The following RIN3 variants were observed in gnomAD, a reference collection of about 807,000 sequenced individuals.
RIN3 encodes the protein RAB5 interacting protein 3.
RIN3 carries 54 observed loss-of-function variants against 76.3 expected under a neutral mutation model. That is an observed-to-expected ratio of 0.71 (90% CI 0.57 to 0.89). The LOEUF (loss-of-function observed/expected upper bound fraction) is 0.89. RIN3 is among the 40% of genes least tolerant of loss of function. The probability of loss-of-function intolerance (pLI) is 0.00; values close to 1 mark genes in which losing one functional copy is unlikely to be tolerated. For missense variants in RIN3, 1,256 were observed against 1,322.1 expected (o/e 0.95, Z 0.78); for synonymous variants, 576 against 564.0 (o/e 1.02, Z -0.30).
chr14:92,642,535 C>G (rs936075811), intron 5 of RIN3, among the ~76,000 whole-genome samples: 3 of 152,156 alleles, frequency 2.0e-5, no homozygotes, highest in African/African-American at 7.2e-5. Context: ...TTTAGTAAAA[C>G]TCAGCCATAC....
intron 7 of RIN3, among the ~76,000 whole-genome samples, chr14:92,660,521 C>T (rs948860827): frequency 1.2e-4 from 19 of 152,154 alleles, no homozygotes; most frequent in Admixed American, 2.6e-4. Context: ...GACTGAGCCA[C>T]GAGTTTCTCA....
At chr14:92,667,789 A>G (rs1223643403) in intron 7 of RIN3, among the ~76,000 whole-genome samples, 2 of 152,180 alleles carry the variant, frequency 1.3e-5, no homozygotes, top group African/African-American at 2.4e-5. Flanking sequence ...GTGGAGGGCC[A>G]TGCTCCATAT....
intron 1 of RIN3, among the ~76,000 whole-genome samples, chr14:92,552,037 C>A (rs1897442042): frequency 6.6e-6 from 1 of 152,126 alleles, no homozygotes; most frequent in African/African-American, 2.4e-5. Context: ...TGGAGAAGTG[C>A]ATGTTCTGTT....
At chr14:92,628,250 A>G (rs1178047332) in intron 4 of RIN3, among the ~76,000 whole-genome samples, 1 of 152,234 alleles carries the variant, frequency 6.6e-6, no homozygotes, top group Non-Finnish European at 1.5e-5. Flanking sequence ...CGGCAGCACA[A>G]GTGGGATCCA....
At chr14:92,628,637 AG>A (rs1483735977) in intron 4 of RIN3, among the ~76,000 whole-genome samples, 1 of 152,184 alleles carries the variant, frequency 6.6e-6, no homozygotes, top group Non-Finnish European at 1.5e-5. Context: ...CTTTAATGAT[AG>A]GAACTGGAGG....
chr14:92,630,350 G>A (rs1171991587), intron 4 of RIN3, among the ~76,000 whole-genome samples: 1 of 152,054 alleles, frequency 6.6e-6, no homozygotes, highest in African/African-American at 2.4e-5. Flanking sequence ...AAATTAGCCG[G>A]GTGTCGTGGC....
intron 3 of RIN3, among the ~76,000 whole-genome samples, chr14:92,592,918 C>T (rs1885035056): frequency 6.6e-6 from 1 of 152,012 alleles, no homozygotes; most frequent in South Asian, 2.1e-4. Context: ...AGATGATCCA[C>T]CTGCCTCGGC....
intron 3 of RIN3, among the ~76,000 whole-genome samples, chr14:92,599,634 A>G (rs1199228770): frequency 1.3e-5 from 2 of 152,108 alleles, no homozygotes; most frequent in Admixed American, 1.3e-4. Flanking sequence ...GAAAGATCAA[A>G]TGGACCCCTG....
At chr14:92,602,800 C>A (rs1347886355) in intron 3 of RIN3, among the ~76,000 whole-genome samples, 5 of 152,114 alleles carry the variant, frequency 3.3e-5, no homozygotes, top group Admixed American at 1.3e-4. Flanking sequence ...CTCTGGAAAG[C>A]ACTCGGGCTG....
At chr14:92,548,940 C>T (rs560266723) in intron 1 of RIN3, among the ~76,000 whole-genome samples, 50 of 152,076 alleles carry the variant, frequency 3.3e-4, no homozygotes, top group Non-Finnish European at 5.7e-4. Flanking sequence ...ACAGTGGGCA[C>T]CGTATGGTGT....
intron 1 of RIN3, among the ~76,000 whole-genome samples, chr14:92,528,324 C>T (rs1210893139): frequency 6.6e-6 from 1 of 152,178 alleles, no homozygotes; most frequent in East Asian, 1.9e-4. Context: ...TAGAACAGTA[C>T]GGTGTGGTGG....
intron 1 of RIN3, among the ~76,000 whole-genome samples, chr14:92,521,092 G>C (rs1460172566): frequency 6.6e-6 from 1 of 151,912 alleles, no homozygotes; most frequent in Non-Finnish European, 1.5e-5. Flanking sequence ...ACATCCACCT[G>C]TCCATTCTAT....
intron 5 of RIN3, 42 bp from the exon 6 acceptor site, chr14:92,651,540 C>G (rs1217366936): frequency 6.7e-7 from 1 of 1,491,768 alleles, no homozygotes; most frequent in Non-Finnish European, 9.1e-7. Flanking sequence ...ACACCTAGTC[C>G]CTGGCACAGA....
chr14:92,535,076 G>A (rs1425931470), intron 1 of RIN3, among the ~76,000 whole-genome samples: 1 of 152,098 alleles, frequency 6.6e-6, no homozygotes, highest in Admixed American at 6.5e-5. Flanking sequence ...ACACCCATGG[G>A]GATGGGCTCT....
At chr14:92,529,441 G>A (rs962440926) in intron 1 of RIN3, among the ~76,000 whole-genome samples, 33 of 151,952 alleles carry the variant, frequency 2.2e-4, no homozygotes, top group African/African-American at 7.0e-4. Flanking sequence ...GTAGAGACGG[G>A]GTTTCACTAT....
chr14:92,609,823 T>G (rs1387104934), intron 3 of RIN3, among the ~76,000 whole-genome samples: 1 of 150,658 alleles, frequency 6.6e-6, no homozygotes, highest in Admixed American at 6.6e-5. Flanking sequence ...GAAAACAGAA[T>G]GCAGGAAGTG....
intron 3 of RIN3, among the ~76,000 whole-genome samples, chr14:92,605,364 G>A (rs1340211620): frequency 3.3e-5 from 5 of 152,174 alleles, no homozygotes; most frequent in African/African-American, 4.8e-5. Context: ...GACTATTGTC[G>A]ATCAAAATGT....
chr14:92,576,419 C>A, intron 2 of RIN3: 1 of 1,288,130 alleles, frequency 7.8e-7, no homozygotes, highest in South Asian at 1.2e-5. Flanking sequence ...TGCGTCCTCA[C>A]AGCCTAGAGC....
Position 92,577,477 on chromosome 14 carries a change from A to G in RIN3, c.367A>G (p.Ile123Val). 6.3e-7 allele frequency: 1 copy of G among 1,595,256 alleles called. No individual in the cohort carries two copies. The highest frequency in any genetic ancestry group is 8.6e-7 in the Non-Finnish European group (1 of 1,163,586). The change falls in exon 3 of 10, where the codon ATA (isoleucine) becomes GTA (valine). Residue 123 changes from isoleucine to valine, a missense_variant and splice_region_variant. Ile to Val is a conservative substitution (Grantham distance 29). Around this residue, in one of 3 missense-constraint regions of RIN3, gnomAD observed 610 missense variants for 626.4 expected, o/e 0.97. Transcript: ENST00000216487. ...ATACACCATTAAGGAAGAAAAGTCGAGTAAGTACCCATCTTCTCTGTTTTC... is the reference window on the plus strand; with the variant it reads ...ATACACCATTAAGGAAGAAAAGTCGGGTAAGTACCCATCTTCTCTGTTTTC... The part of the protein sequence containing the change: ...LEYTIKEEKS[I>V]LYLEGSALVF...
Sources: allele counts gnomAD v4.1 joint callset (sites outside exome capture counted in the v4.1 genomes callset), GRCh38; gene constraint gnomAD v4.1.1; regional missense constraint gnomAD v4.1.1; transcripts MANE v1.5; gene names NCBI Gene and HGNC (gene_info 2026-07-23, HGNC 2026-07-21).